Variants in SMYD3 observed in about 807,000 individuals in gnomAD.
SMYD3 encodes SET and MYND domain containing 3, also known as histone-lysine N-methyltransferase SMYD3.
Under a neutral mutation model 57.7 loss-of-function variants are expected in SMYD3, and 36 were observed. That is an observed-to-expected ratio of 0.62 (90% CI 0.48 to 0.82). The LOEUF is 0.82. Among genes scored for constraint, SMYD3 ranks in the 40% least tolerant of loss-of-function variants. The pLI is 0.00. For missense variants in SMYD3, 515 were observed against 538.8 expected (o/e 0.96, Z 0.44); for synonymous variants, 211 against 195.0 (o/e 1.08, Z -0.68).
At chr1:245,934,480 T>C (rs181107604) in intron 5 of SMYD3, among the ~76,000 whole-genome samples, 1 of 152,322 alleles carries the variant, frequency 6.6e-6, no homozygotes, top group African/African-American at 2.4e-5. Flanking sequence ...GATTAAAAAT[T>C]GTATCTCCCA....
At chr1:246,326,533 G>A (rs1213813308) in intron 5 of SMYD3, 3 of 512,742 alleles carry the variant, frequency 5.9e-6, no homozygotes, top group Non-Finnish European at 1.0e-5. Flanking sequence ...CAGCACTTTG[G>A]GAGGCCGAGG....
intron 5 of SMYD3, among the ~76,000 whole-genome samples, chr1:246,258,079 C>G (rs573919572): frequency 8.0e-4 from 122 of 152,156 alleles, no homozygotes; most frequent in Non-Finnish European, 1.5e-3. Context: ...CTTTGTCACC[C>G]AGGCTAGAGT....
At chr1:245,856,032 G>A (rs57632469) in intron 10 of SMYD3, among the ~76,000 whole-genome samples, 10,490 of 152,254 alleles carry the variant, frequency 0.069, 1,189 homozygotes, top group African/African-American at 0.24. Context: ...GATGCGGGGG[G>A]CTGAGAGCAC....
At chr1:246,312,730 G>C (rs1472971103) in intron 5 of SMYD3, among the ~76,000 whole-genome samples, 1 of 152,158 alleles carries the variant, frequency 6.6e-6, no homozygotes, top group Non-Finnish European at 1.5e-5. Flanking sequence ...GTAAAGCCAT[G>C]GCAGCACCAT....
chr1:246,294,841 T>C (rs1197645), intron 5 of SMYD3, among the ~76,000 whole-genome samples: 139,068 of 152,202 alleles, frequency 0.91, 63,731 homozygotes, highest in East Asian at 1. Flanking sequence ...TCAAGTGATC[T>C]GCCCACCTCA....
At chr1:246,083,028 T>C (rs985597304) in intron 5 of SMYD3, among the ~76,000 whole-genome samples, 2 of 151,174 alleles carry the variant, frequency 1.3e-5, no homozygotes, top group Admixed American at 6.6e-5. Flanking sequence ...TGTCCAAGGT[T>C]TCTCCCCATG....
intron 5 of SMYD3, among the ~76,000 whole-genome samples, chr1:246,061,367 T>C (rs1369220680): frequency 6.6e-6 from 1 of 152,042 alleles, no homozygotes; most frequent in East Asian, 1.9e-4. Flanking sequence ...CTGATAGAGT[T>C]TCTTTAGGAT....
At chr1:246,315,454 C>T (rs773725121) in intron 5 of SMYD3, among the ~76,000 whole-genome samples, 1 of 152,162 alleles carries the variant, frequency 6.6e-6, no homozygotes, top group Non-Finnish European at 1.5e-5. Context: ...ATAAACTACA[C>T]CCTTCCATGA....
intron 5 of SMYD3, among the ~76,000 whole-genome samples, chr1:245,959,129 A>T: frequency 8.1e-6 from 1 of 124,032 alleles, no homozygotes; most frequent in African/African-American, 2.7e-5. Context: ...CTCAAAAAAC[A>T]AACAAACAAA....
intron 5 of SMYD3, among the ~76,000 whole-genome samples, chr1:246,119,469 G>A (rs543809274): frequency 2.0e-5 from 3 of 149,882 alleles, no homozygotes; most frequent in Non-Finnish European, 4.4e-5. Context: ...CTGGAGTGTA[G>A]GGGCATGATC....
At chr1:246,239,650 C>T (rs536323145) in intron 5 of SMYD3, among the ~76,000 whole-genome samples, 1 of 152,292 alleles carries the variant, frequency 6.6e-6, no homozygotes, top group East Asian at 1.9e-4. Context: ...GTTCTAGATC[C>T]TTGAGGAATA....
At chr1:246,062,244 T>C (rs1007103797) in intron 5 of SMYD3, among the ~76,000 whole-genome samples, 2 of 152,222 alleles carry the variant, frequency 1.3e-5, no homozygotes, top group Admixed American at 6.5e-5. Flanking sequence ...CACAGAATAT[T>C]TCCCCGAGAT....
chr1:246,200,033 ACT>A (rs1052150100), intron 5 of SMYD3, among the ~76,000 whole-genome samples: 15 of 151,696 alleles, frequency 9.9e-5, no homozygotes, highest in Admixed American at 9.9e-4. Flanking sequence ...AACAGTGTAG[ACT>A]CTGAGCAAGA....
chr1:245,820,754 GACAA>G (rs1235411540), intron 10 of SMYD3, among the ~76,000 whole-genome samples: 7 of 150,690 alleles, frequency 4.6e-5, no homozygotes, highest in African/African-American at 1.7e-4. Flanking sequence ...ACCAACAACA[GACAA>G]ACAGAGAGCC....
At chr1:246,168,883 A>G (rs1558284711) in intron 5 of SMYD3, among the ~76,000 whole-genome samples, 1 of 152,142 alleles carries the variant, frequency 6.6e-6, no homozygotes, top group Non-Finnish European at 1.5e-5. Flanking sequence ...TCCATGTACA[A>G]AGGCCCCTGT....
intron 5 of SMYD3, among the ~76,000 whole-genome samples, chr1:246,196,797 G>A (rs1047824561): frequency 6.6e-6 from 1 of 152,130 alleles, no homozygotes; most frequent in African/African-American, 2.4e-5. Context: ...AAACTCATTA[G>A]CAATAAACAT....
chr1:246,269,501 T>C (rs1401028128), intron 5 of SMYD3, among the ~76,000 whole-genome samples: 1 of 151,780 alleles, frequency 6.6e-6, no homozygotes, highest in Admixed American at 6.6e-5. Context: ...CTGGAATTTA[T>C]TCTGTCAAAT....
intron 5 of SMYD3, among the ~76,000 whole-genome samples, chr1:245,998,954 C>T (rs2105158): frequency 6.6e-6 from 1 of 152,004 alleles, no homozygotes; most frequent in African/African-American, 2.4e-5. Context: ...GTCAAACTCA[C>T]AGAGACGCAA....
chr1:246,084,041 A>C (rs1383830538), intron 5 of SMYD3, among the ~76,000 whole-genome samples: 2 of 152,082 alleles, frequency 1.3e-5, no homozygotes, highest in African/African-American at 4.8e-5. Flanking sequence ...TGTTTGGCTT[A>C]CTACTTATTA....
Sources: gnomAD v4.1 joint callset for allele counts (sites outside exome capture counted in the v4.1 genomes callset) on GRCh38, gnomAD v4.1.1 for gene constraint, MANE v1.5 for transcripts, NCBI Gene and HGNC (gene_info 2026-07-23, HGNC 2026-07-21) for gene names.